TAOK1: variants seen among roughly 807,000 people sequenced by gnomAD.
TAOK1 encodes the protein TAO kinase 1.
A neutral mutation model predicts 138.3 loss-of-function variants in TAOK1; 21 were observed. The ratio of observed to expected loss-of-function variants is 0.15; its 90% CI spans 0.11 to 0.22. The LOEUF (loss-of-function observed/expected upper bound fraction) is 0.22, where lower values mean the gene tolerates loss of function less well. Ranked by LOEUF, TAOK1 falls within the 10% of genes least tolerant of loss-of-function variation. The pLI is 1.00. For missense variants in TAOK1, 651 were observed against 1,227.7 expected (o/e 0.53, Z 7.02); for synonymous variants, 361 against 398.4 (o/e 0.91, Z 1.12).
At position 29,448,920 on chromosome 17, in the gene TAOK1, C is replaced by T. The variant is rs184877876; in HGVS notation, c.-94-2535C>T. Among the ~76,000 whole-genome samples the T allele has an allele frequency of 1.1e-3, 172 of 152,016 alleles. 1 individual carries two copies. Among genetic ancestry groups the T allele is most frequent in the African/African-American group, 3.7e-3 (155 of 41,484 alleles). ...TAATTGCAATATAATACGGTAAATG[C>T]GGCAGGATGCTTTGGGGGCATAAAG... is the stretch of plus-strand genomic sequence containing the variant. On this transcript the variant is annotated intron_variant, in intron 1 of 19. Transcript: ENST00000261716.
chr17:29,428,847 C>T (rs888041185), intron 1 of TAOK1, among the ~76,000 whole-genome samples: 3 of 151,118 alleles, frequency 2.0e-5, no homozygotes, highest in Admixed American at 2.0e-4. Context: ...AGGCTTGTCT[C>T]GAACTCCTAG....
At chr17:29,541,301 G>A (rs966629588) in intron 19 of TAOK1, among the ~76,000 whole-genome samples, 10 of 149,374 alleles carry the variant, frequency 6.7e-5, no homozygotes, top group Non-Finnish European at 1.3e-4. Context: ...GTAGAGATGG[G>A]GTTTCACCAT....
At chr17:29,416,966 G>A (rs1341393490) in intron 1 of TAOK1, among the ~76,000 whole-genome samples, 1 of 151,894 alleles carries the variant, frequency 6.6e-6, no homozygotes, top group East Asian at 1.9e-4. Context: ...GTAAAGGTCT[G>A]GTAAATATTG....
chr17:29,427,511 G>A (rs1481028104), intron 1 of TAOK1, among the ~76,000 whole-genome samples: 3 of 146,202 alleles, frequency 2.1e-5, no homozygotes, highest in Middle Eastern at 3.6e-3. Flanking sequence ...CAGGGGGATC[G>A]CTTTGAACTC....
At chr17:29,420,407 T>G (rs943032120) in intron 1 of TAOK1, among the ~76,000 whole-genome samples, 2 of 152,100 alleles carry the variant, frequency 1.3e-5, no homozygotes, top group African/African-American at 4.8e-5. Flanking sequence ...AGCTATTTTG[T>G]GGACTGGGAT....
chr17:29,418,930 CTT>C (rs35692060), intron 1 of TAOK1, among the ~76,000 whole-genome samples: 180 of 105,460 alleles, frequency 1.7e-3, no homozygotes, highest in Middle Eastern at 5.3e-3. Flanking sequence ...GGGTGCTTTG[CTT>C]TTTTTTTTTT....
chr17:29,398,475 G>A (rs1477349108), intron 1 of TAOK1, among the ~76,000 whole-genome samples: 2 of 151,410 alleles, frequency 1.3e-5, no homozygotes, highest in Non-Finnish European at 2.9e-5. Flanking sequence ...CAAAGTGTTG[G>A]GATTACAGAT....
At chr17:29,391,665 C>T (rs1904435810) in intron 1 of TAOK1, among the ~76,000 whole-genome samples, 1 of 152,126 alleles carries the variant, frequency 6.6e-6, no homozygotes, top group South Asian at 2.1e-4. Flanking sequence ...TTTAAATCGA[C>T]GACAGTATCG....
In TAOK1 at chr17:29,547,190, G is replaced by T. The variant is rs1567752216; in HGVS notation, c.*4168G>T. 1 of 152,054 alleles carries T rather than the reference G, an allele frequency of 6.6e-6. No individual in the cohort carries two copies. The highest frequency in any genetic ancestry group is 1.5e-5 in the Non-Finnish European group (1 of 67,976). 9.4% of individuals were successfully genotyped at this position (152,054 alleles called of 1,614,324 possible). ...CTTTCTATATGTATTTCTTAGTAGT[G>T]ATACCATTGATCCTCTTACTTTTTT... On this transcript the variant is annotated 3_prime_UTR_variant, in exon 20 of 20. Coordinates refer to ENST00000261716, the MANE Select transcript of TAOK1 (RefSeq NM_020791.4).
chr17:29,526,822 A>ATT (rs2032018906), intron 17 of TAOK1, among the ~76,000 whole-genome samples: 1 of 143,752 alleles, frequency 7.0e-6, no homozygotes, highest in African/African-American at 2.5e-5. Flanking sequence ...CATCTCTTAA[A>ATT]AAAAAAAAAA....
rs546021704 is a variant in TAOK1, at chr17:29,495,784, A to G, written c.999+57A>G. 25 of 1,381,178 alleles carry G rather than the reference A, an allele frequency of 1.8e-5. No individual in the cohort carries two copies. The African/African-American group carries it at 2.3e-4, about 13-fold the overall frequency. The allele number at this position is 1,381,178 out of a possible 1,614,324, so 85.6% of individuals were successfully genotyped here. On this transcript the variant is annotated intron_variant, in intron 11 of 19. Coordinates refer to ENST00000261716, the MANE Select transcript of TAOK1 (RefSeq NM_020791.4). ...ATTTTCACTTTTGGTTTCTTTCCTT[A>G]TGCAGCTTGCCCTGCCATAATTTAC...
chr17:29,517,371 C>T (rs908655150), intron 15 of TAOK1, 82 bp from the exon 16 acceptor site: 15 of 1,359,946 alleles, frequency 1.1e-5, no homozygotes, highest in East Asian at 9.2e-5. Context: ...CTGCCCACCT[C>T]GGCCTCCCAG....
chr17:29,394,985 A>G lies in TAOK1; in HGVS notation c.-95+3961A>G, dbSNP rs140703916. 4.3e-3 allele frequency among the ~76,000 whole-genome samples: 650 copies of G among 151,606 alleles called. 4 individuals are homozygous for G. Among genetic ancestry groups the G allele is most frequent in the African/African-American group, 0.015 (622 of 41,352 alleles). On this transcript the variant is annotated intron_variant, in intron 1 of 19. Coordinates refer to ENST00000261716, the MANE Select transcript of TAOK1 (RefSeq NM_020791.4). ...GGGCTAGGCATGGTGGTTTATGCCT[A>G]TAATCCCAGCATGCTGGGGGCTGAG... is the stretch of plus-strand genomic sequence containing the variant.
At chr17:29,529,285 A>G (rs961193910) in intron 17 of TAOK1, among the ~76,000 whole-genome samples, 5 of 152,164 alleles carry the variant, frequency 3.3e-5, no homozygotes, top group African/African-American at 1.2e-4. Context: ...TGCTTAATTC[A>G]TGAGAAAAAA....
chr17:29,429,810 C>T (rs763381576), intron 1 of TAOK1, among the ~76,000 whole-genome samples: 1 of 152,138 alleles, frequency 6.6e-6, no homozygotes, highest in African/African-American at 2.4e-5. Context: ...ACCCTTCAGG[C>T]ACTTGTGCAT....
intron 1 of TAOK1, chr17:29,445,465 G>A (rs1444783626): frequency 6.6e-6 from 1 of 152,198 alleles, no homozygotes. Context: ...TATGATGTTA[G>A]CAGCAGGTTT....
chr17:29,397,534 C>T lies in TAOK1; in HGVS notation c.-95+6510C>T, dbSNP rs551596628. ...AGGAGAGTTGCTTGAACTCAGCAGG[C>T]GGAGGTTGCAGTGAGCCGAGATCGT... On this transcript the variant is annotated intron_variant, in intron 1 of 19. Transcript: ENST00000261716. Among the ~76,000 whole-genome samples the T allele has an allele frequency of 3.0e-4, 45 of 148,592 alleles. 1 individual carries two copies. The highest frequency in any genetic ancestry group is 1.0e-3 in the African/African-American group (40 of 40,116).
intron 8 of TAOK1, among the ~76,000 whole-genome samples, chr17:29,483,908 A>G (rs1040729787): frequency 6.6e-6 from 1 of 152,234 alleles, no homozygotes; most frequent in Admixed American, 6.5e-5. Context: ...ATACATGTAC[A>G]GAAGCTGGTT....
At chr17:29,502,504 C>A in intron 12 of TAOK1, 85 bp from the exon 13 acceptor site, 1 of 1,404,934 alleles carries the variant, frequency 7.1e-7, no homozygotes, top group South Asian at 1.4e-5. Context: ...ATTGATTGAT[C>A]AAGTTGTCTT....
Sources: gnomAD v4.1 joint callset for allele counts (sites outside exome capture counted in the v4.1 genomes callset) on GRCh38, gnomAD v4.1.1 for gene constraint, MANE v1.5 for transcripts, NCBI Gene and HGNC (gene_info 2026-07-23, HGNC 2026-07-21) for gene names.